TRIB3: variants seen among roughly 807,000 people sequenced by gnomAD.
TRIB3 encodes tribbles pseudokinase 3, also known as tribbles homolog 3.
In TRIB3, 20 loss-of-function variants were observed where a neutral mutation model predicts 16.6. The observed-to-expected ratio is 1.20, with a 90% CI of 0.85 to 1.75. The LOEUF (loss-of-function observed/expected upper bound fraction) is 1.75. Among genes scored for constraint, TRIB3 ranks in the 40% most tolerant of loss-of-function variants. The probability of loss-of-function intolerance (pLI) is 0.00; values close to 1 mark genes in which losing one functional copy is unlikely to be tolerated. For synonymous variants in TRIB3, 208 were observed against 217.0 expected, an observed-to-expected ratio of 0.96 and a Z score of 0.36; for missense variants, 484 against 488.9, an observed-to-expected ratio of 0.99 and a Z score of 0.10.
intron 3 of TRIB3, among the ~76,000 whole-genome samples, chr20:395,102 G>A (rs1054552121): frequency 1.5e-4 from 23 of 151,888 alleles, no homozygotes; most frequent in African/African-American, 5.6e-4. Flanking sequence ...TACTATTAAA[G>A]TCATCTTTGA....
chr20:382,948 T>C (rs1030347954), intron 1 of TRIB3, among the ~76,000 whole-genome samples: 12 of 152,250 alleles, frequency 7.9e-5, no homozygotes, highest in Non-Finnish European at 1.3e-4. Context: ...AACTGACTCA[T>C]GTTGCCTTGT....
rs755506046 is a variant in TRIB3 at position 396,274 on chromosome 20, G to C, written c.661G>C (p.Ala221Pro). 5 of 1,613,914 alleles carry C rather than the reference G, an allele frequency of 3.1e-6. No individual in the cohort carries two copies. Among genetic ancestry groups the C allele is most frequent in the Non-Finnish European group, 4.2e-6 (5 of 1,180,032 alleles). Residue 221 changes from alanine (A) to proline (P), a missense_variant, in exon 4 of 4, where the codon GCG becomes CCG. Transcript: ENST00000217233. ...AGATGATTCCCTGTGGGACAAGCAC[G>C]CGTGCCCAGCCTACGTGGGACCTGA... ...GPDDSLWDKH[A>P]CPAYVGPEIL...
Position 396,521 on chromosome 20 carries a change from G to A in TRIB3, c.908G>A (p.Arg303Gln), listed in dbSNP as rs201359012. 3.5e-5 allele frequency: 57 copies of A among 1,613,144 alleles called. No individual in the cohort carries two copies. Among genetic ancestry groups the A allele is most frequent in the Admixed American group, 1.5e-4 (9 of 60,026 alleles). Residue 303 changes from arginine to glutamine, a missense_variant, in exon 4 of 4, where the codon CGG (arginine) becomes CAG (glutamine). Arg to Gln is a conservative substitution (Grantham distance 43). Transcript: ENST00000217233. The stretch of plus-strand genomic sequence containing the variant: ...CTCCTTCGTCGGGAGCCAGCTGAAC[G>A]GCTCACAGCCACAGGCATCCTCCTG... The part of the protein sequence containing the change: ...RCLLRREPAE[R>Q]LTATGILLHP...
rs113329512 is a variant in TRIB3 at position 395,243 on chromosome 20, G to A, written c.585-955G>A. Among the ~76,000 whole-genome samples, 868 of 150,896 alleles carry A rather than the reference G, an allele frequency of 5.8e-3. 8 individuals carry two copies. The highest frequency in any genetic ancestry group is 0.02 in the African/African-American group (823 of 41,086). On this transcript the variant is annotated intron_variant, in intron 3 of 3. Coordinates refer to ENST00000217233, the MANE Select transcript of TRIB3 (RefSeq NM_021158.5). ...GGCGCGATCTCAGCTCACTGCAACCGCCACCTCCTGGGCTCAAGTCATATC... is the reference window on the plus strand; with the variant it reads ...GGCGCGATCTCAGCTCACTGCAACCACCACCTCCTGGGCTCAAGTCATATC...
Position 396,303 on chromosome 20 carries a change from A to C in TRIB3, c.690A>C (p.Ile230=). The change falls in exon 4 of 4, where the codon ATA becomes ATC. Residue 230 remains isoleucine (I), a synonymous_variant. Transcript: ENST00000217233. The part of the protein sequence containing the change: ...HACPAYVGPE[I]LSSRASYSGK... ...GCCCAGCCTACGTGGGACCTGAGATACTCAGCTCACGGGCCTCATACTCGG... is the reference window on the plus strand; with the variant it reads ...GCCCAGCCTACGTGGGACCTGAGATCCTCAGCTCACGGGCCTCATACTCGG... The C allele has an allele frequency of 6.2e-7, 1 of 1,613,678 alleles. No homozygotes were observed. Among genetic ancestry groups the C allele is most frequent in the Non-Finnish European group, 8.5e-7 (1 of 1,180,000 alleles).
In TRIB3 at chr20:383,887, T is replaced by A. The variant is rs759670168; in HGVS notation, c.-1+2718T>A. 2.6e-5 allele frequency among the ~76,000 whole-genome samples: 4 copies of A among 152,040 alleles called. No individual in the cohort carries two copies. In the South Asian group the frequency reaches 6.2e-4, roughly 24 times the overall value. On this transcript the variant is annotated intron_variant, in intron 1 of 3. Transcript: ENST00000217233. ...TCATGACACTGCCAAGACATAAGGG[T>A]CTGAAATACTTAACAGTTTTCTTCC...
At chr20:389,649 C>T (rs2014917907) in intron 2 of TRIB3, among the ~76,000 whole-genome samples, 3 of 152,172 alleles carry the variant, frequency 2.0e-5, no homozygotes, top group Admixed American at 2.0e-4. Flanking sequence ...GCATCACAGG[C>T]TCTTTTCCAC....
chr20:382,522 G>C, intron 1 of TRIB3: 3 of 1,535,412 alleles, frequency 2.0e-6, no homozygotes, highest in South Asian at 2.4e-5. Flanking sequence ...CTCGAACCTG[G>C]GGAGCTTTCT....
rs5839857 is a variant in TRIB3, at chr20:382,099, C to CTGTGTGTGTGTGTG, written c.-1+945_-1+958dup. ...ACCATGGGTGTGACAGCTGGGAGGG[C>CTGTGTGTGTGTGTG]TGTGTGTGTGTGTGTGTGTGTGTGT... is the stretch of plus-strand genomic sequence containing the variant. On this transcript the variant is annotated intron_variant, in intron 1 of 3. Coordinates refer to ENST00000217233, the MANE Select transcript of TRIB3 (RefSeq NM_021158.5). Among the ~76,000 whole-genome samples the CTGTGTGTGTGTGTG allele has an allele frequency of 7.0e-3, 993 of 142,320 alleles. 12 individuals are homozygous for CTGTGTGTGTGTGTG. Among genetic ancestry groups the CTGTGTGTGTGTGTG allele is most frequent in the Non-Finnish European group, 9.9e-3 (635 of 64,236 alleles). The allele number at this position is 142,320 out of a possible 152,430, so 93.4% of individuals were successfully genotyped here.
At position 396,377 on chromosome 20, in the gene TRIB3, T is replaced by C; in HGVS notation, c.764T>C (p.Leu255Pro). 6.2e-7 allele frequency: 1 copy of C among 1,613,528 alleles called. No homozygotes were observed. ...WSLGVALFTM[L>P]AGHYPFQDSE... ...CTGGGCGTGGCGCTCTTCACCATGC[T>C]GGCCGGCCACTACCCCTTCCAGGAC... is the stretch of plus-strand genomic sequence containing the variant. Residue 255 changes from leucine (L) to proline (P), a missense_variant, in exon 4 of 4, where the codon CTG (leucine) becomes CCG (proline). Leu to Pro is a moderately conservative substitution (Grantham distance 98). Transcript: ENST00000217233.
rs374311690 is a variant in TRIB3, at chr20:396,255, T to A, written c.642T>A (p.Asp214Glu). Residue 214 changes from aspartate to glutamate, a missense_variant, in exon 4 of 4, where the codon GAT becomes GAA. Asp to Glu is a conservative substitution (Grantham distance 45). Coordinates refer to ENST00000217233, the MANE Select transcript of TRIB3 (RefSeq NM_021158.5). Reference protein sequence around the residue: ...EDSCVLTGPDDSLWDKHACPA... With the variant: ...EDSCVLTGPDESLWDKHACPA... ...CCTGCGTGCTGACTGGGCCAGATGATTCCCTGTGGGACAAGCACGCGTGCC... is the reference window on the plus strand; with the variant it reads ...CCTGCGTGCTGACTGGGCCAGATGAATCCCTGTGGGACAAGCACGCGTGCC... The A allele has an allele frequency of 2.2e-5, 35 of 1,613,918 alleles. No homozygotes were observed. The African/African-American group carries it at 3.9e-4, about 18-fold the overall frequency.
intron 2 of TRIB3, among the ~76,000 whole-genome samples, chr20:389,486 C>T (rs2014912457): frequency 6.6e-6 from 1 of 152,188 alleles, no homozygotes; most frequent in Non-Finnish European, 1.5e-5. Context: ...GGGGCAGCAG[C>T]AGAGCTTTGC....
rs1307436880 is a variant in TRIB3, at chr20:391,456, T to A, written c.461T>A (p.Ile154Asn). The A allele has an allele frequency of 1.2e-6, 2 of 1,613,816 alleles. No individual in the cohort carries two copies. The highest frequency in any genetic ancestry group is 1.7e-6 in the Non-Finnish European group (2 of 1,180,002). ...MHSLVRSRHR[I>N]PEPEAAVLFR... The stretch of plus-strand genomic sequence containing the variant: ...AGCCTGGTGCGAAGCCGCCACCGTA[T>A]CCCTGAGCCTGAGGCTGCCGTGCTC... The change falls in exon 3 of 4, where the codon ATC becomes AAC. Residue 154 changes from isoleucine to asparagine, a missense_variant. Coordinates refer to ENST00000217233, the MANE Select transcript of TRIB3 (RefSeq NM_021158.5).
chr20:387,934 C>G (rs976510439), intron 1 of TRIB3, 77 bp from the exon 2 acceptor site: 4 of 1,516,844 alleles, frequency 2.6e-6, no homozygotes, highest in Non-Finnish European at 3.6e-6. Context: ...TGTTGTGCCA[C>G]GTATCCTCCC....
At position 381,035 on chromosome 20, in the gene TRIB3, C is replaced by G. The variant is rs944691885; in HGVS notation, c.-135C>G. 1.3e-5 allele frequency: 2 copies of G among 150,124 alleles called. No individual in the cohort carries two copies. The highest frequency in any genetic ancestry group is 3.0e-5 in the Non-Finnish European group (2 of 67,028). 9.3% of individuals were successfully genotyped at this position (150,124 alleles called of 1,614,324 possible). A position where few individuals can be genotyped will look rare whatever the true frequency, so the allele number is the denominator to read the frequency against. Reference sequence around the variant, plus strand: ...GAGGCGGCTCCGCGCGCGTCCGCTGCTAGGACCCGGGCAGGGCTGGAGCTG... The same window carrying G: ...GAGGCGGCTCCGCGCGCGTCCGCTGGTAGGACCCGGGCAGGGCTGGAGCTG... On this transcript the variant is annotated 5_prime_UTR_variant, in exon 1 of 4. Coordinates refer to ENST00000217233, the MANE Select transcript of TRIB3 (RefSeq NM_021158.5).
chr20:381,768 A>AGCGGGGGCGCAGC (rs1249366283), intron 1 of TRIB3, among the ~76,000 whole-genome samples: 1 of 151,584 alleles, frequency 6.6e-6, no homozygotes, highest in African/African-American at 2.4e-5. Flanking sequence ...AGGGAGTGGG[A>AGCGGGGGCGCAGC]GCGGGGGCGC....
rs141887165 is a variant in TRIB3 at position 388,318 on chromosome 20, G to A, written c.291+17G>A. On this transcript the variant is annotated intron_variant, in intron 2 of 3. Transcript: ENST00000217233. The stretch of plus-strand genomic sequence containing the variant: ...ACCTGCAAGGTACGTGCCCATGGGC[G>A]GCTGTCCCCCAGCACCACAGGAGGC... 3,106 of 1,585,056 alleles carry A rather than the reference G, an allele frequency of 2.0e-3. 44 individuals are homozygous for A. In the African/African-American group the frequency reaches 0.033, roughly 17 times the overall value.
At position 396,876 on chromosome 20, in the gene TRIB3, T is replaced by A; in HGVS notation, c.*186T>A. Reference sequence around the variant, plus strand: ...CACACACATGCAGTTCCTGCTTGGGTGCTTATCAGGTGCCAAGCCCTGTTC... The same window carrying A: ...CACACACATGCAGTTCCTGCTTGGGAGCTTATCAGGTGCCAAGCCCTGTTC... On this transcript the variant is annotated 3_prime_UTR_variant, in exon 4 of 4. Coordinates refer to ENST00000217233, the MANE Select transcript of TRIB3 (RefSeq NM_021158.5). 1 of 865,776 alleles carries A rather than the reference T, an allele frequency of 1.2e-6. No homozygotes were observed. Among genetic ancestry groups the A allele is most frequent in the Non-Finnish European group, 1.7e-6 (1 of 592,442 alleles). 53.6% of individuals were successfully genotyped at this position (865,776 alleles called of 1,614,324 possible).
chr20:383,375 A>G (rs1025411091), intron 1 of TRIB3, among the ~76,000 whole-genome samples: 6 of 152,232 alleles, frequency 3.9e-5, no homozygotes, highest in African/African-American at 1.2e-4. Context: ...ACACACCTCT[A>G]CAGAATAAAT....
Sources: allele counts gnomAD v4.1 joint callset (sites outside exome capture counted in the v4.1 genomes callset), GRCh38; gene constraint gnomAD v4.1.1; transcripts MANE v1.5; gene names NCBI Gene and HGNC (gene_info 2026-07-23, HGNC 2026-07-21).